Variants in NPFFR1 observed in about 807,000 individuals in gnomAD.
NPFFR1 encodes neuropeptide FF receptor 1.
In NPFFR1, 17 loss-of-function variants were observed where a neutral mutation model predicts 12.7. That is an observed-to-expected ratio of 1.34 (90% CI 0.92 to 2.01). NPFFR1 has a LOEUF of 2.01. Ranked by LOEUF, NPFFR1 falls within the 30% of genes most tolerant of loss-of-function variation. The probability of loss-of-function intolerance (pLI) is 0.00; values close to 1 mark genes in which losing one functional copy is unlikely to be tolerated. For synonymous variants in NPFFR1, 296 were observed against 264.5 expected (o/e 1.12, Z -1.16); for missense variants, 604 against 606.5 (o/e 1.00, Z 0.04).
chr10:70,277,903 G>A (rs1589916482), intron 1 of NPFFR1: 1 of 515,994 alleles, frequency 1.9e-6, no homozygotes. Flanking sequence ...AGGGGGCTTG[G>A]CAGACTGCAG....
In NPFFR1 at chr10:70,254,974, G is replaced by T; in HGVS notation, c.1276C>A (p.Pro426Thr). 7.0e-7 allele frequency: 1 copy of T among 1,436,428 alleles called. No individual in the cohort carries two copies. The highest frequency in any genetic ancestry group is 9.1e-7 in the Non-Finnish European group (1 of 1,101,650). 89.0% of individuals were successfully genotyped at this position (1,436,428 alleles called of 1,614,324 possible). A position where few individuals can be genotyped will look rare whatever the true frequency, so the allele number is the denominator to read the frequency against. ...PGCSHLPLTI[P>T]AWDI ...GGACCCCCTCAGATATCCCAGGCTG[G>T]AATGGTGAGGGGCAGGTGGGAGCAG... The change falls in exon 4 of 4, where the codon CCA (proline) becomes ACA (threonine). Residue 426 changes from proline to threonine, a missense_variant. Physicochemically the swap from Pro to Thr is conservative, Grantham distance 38. Coordinates refer to ENST00000277942, the MANE Select transcript of NPFFR1 (RefSeq NM_022146.5).
chr10:70,277,850 A>G, intron 1 of NPFFR1: 1 of 473,046 alleles, frequency 2.1e-6, no homozygotes, highest in Admixed American at 2.3e-5. Flanking sequence ...CCAGAGGGGA[A>G]GGCAAATGAG....
chr10:70,278,209 A>G (rs1283304036), intron 1 of NPFFR1, among the ~76,000 whole-genome samples: 2 of 151,880 alleles, frequency 1.3e-5, no homozygotes. Context: ...CTGTCCCCAG[A>G]ATCATCCCCC....
At position 70,268,807 on chromosome 10, in the gene NPFFR1, C is replaced by A. The variant is rs565816892; in HGVS notation, c.8-2416G>T. Among the ~76,000 whole-genome samples the A allele has an allele frequency of 2.5e-3, 385 of 152,322 alleles. 1 individual carries two copies. The highest frequency in any genetic ancestry group is 4.2e-3 in the Non-Finnish European group (289 of 68,034). On this transcript the variant is annotated intron_variant, in intron 1 of 3. Coordinates refer to ENST00000277942, the MANE Select transcript of NPFFR1 (RefSeq NM_022146.5). Reference sequence around the variant, plus strand: ...ACATTTTATTGGCCCAAGTAAGTCACAAGGGATGCCCAGGTTCAAGTCAGT... The same window carrying A: ...ACATTTTATTGGCCCAAGTAAGTCAAAAGGGATGCCCAGGTTCAAGTCAGT...
intron 1 of NPFFR1, among the ~76,000 whole-genome samples, 184 bp from the exon 2 acceptor site, chr10:70,266,575 C>G (rs562289816): frequency 6.6e-6 from 1 of 152,342 alleles, no homozygotes; most frequent in African/African-American, 2.4e-5. Flanking sequence ...CACTCAAACC[C>G]TGGTCTTGTA....
In NPFFR1 at chr10:70,248,489, T is replaced by TTTTTTTTTTTTTG. The variant is rs1840477346; in HGVS notation, c.*6467_*6468insCAAAAAAAAAAAA. On this transcript the variant is annotated 3_prime_UTR_variant, in exon 4 of 4. Transcript: ENST00000277942. ...GGCGTTTTTTTTTTGTTTTTTGTTT[T>TTTTTTTTTTTTTG]TTTTTTTTTTTTTTGAGATGGAGTC... The TTTTTTTTTTTTTG allele has an allele frequency of 2.6e-5, 3 of 113,878 alleles. No individual in the cohort carries two copies. The highest frequency in any genetic ancestry group is 5.3e-5 in the Non-Finnish European group (3 of 57,094). 7.1% of individuals were successfully genotyped at this position (113,878 alleles called of 1,614,324 possible).
intron 2 of NPFFR1, among the ~76,000 whole-genome samples, chr10:70,262,847 G>A (rs114194439): frequency 0.017 from 2,597 of 152,240 alleles, 85 homozygotes; most frequent in African/African-American, 0.059. Context: ...ATACCCATGA[G>A]CACACCTAGA....
chr10:70,262,476 C>A (rs1237188690), intron 2 of NPFFR1, among the ~76,000 whole-genome samples: 2 of 152,110 alleles, frequency 1.3e-5, no homozygotes, highest in African/African-American at 4.8e-5. Flanking sequence ...CTTGACAAAA[C>A]TGAATAAACT....
chr10:70,280,682 C>T (rs541359313), intron 1 of NPFFR1, among the ~76,000 whole-genome samples: 32 of 152,174 alleles, frequency 2.1e-4, no homozygotes, highest in African/African-American at 6.3e-4. Context: ...TTTTTGAAAA[C>T]GCTTTTTTGT....
intron 1 of NPFFR1, among the ~76,000 whole-genome samples, chr10:70,277,701 T>A (rs534526483): frequency 1.3e-5 from 2 of 152,238 alleles, no homozygotes; most frequent in African/African-American, 4.8e-5. Context: ...CTGGGATGGG[T>A]AGGCAGCTGT....
chr10:70,282,464 T>A (rs555420858), intron 1 of NPFFR1, among the ~76,000 whole-genome samples: 1 of 152,342 alleles, frequency 6.6e-6, no homozygotes, highest in South Asian at 2.1e-4. Context: ...TTCTTGCCTC[T>A]TTTGTGTGTG....
chr10:70,268,958 T>C (rs1437800364), intron 1 of NPFFR1, among the ~76,000 whole-genome samples: 1 of 152,214 alleles, frequency 6.6e-6, no homozygotes, highest in Non-Finnish European at 1.5e-5. Flanking sequence ...CATATTGCAT[T>C]TGGTAGACGT....
intron 3 of NPFFR1, 60 bp downstream of exon 3, chr10:70,260,580 G>T: frequency 7.2e-7 from 1 of 1,397,458 alleles, no homozygotes; most frequent in Non-Finnish European, 1.0e-6. Flanking sequence ...AGAGGCAGTG[G>T]CTCCTCTTAA....
chr10:70,255,936 C>T lies in NPFFR1; in HGVS notation c.423-109G>A, dbSNP rs76589825. The T allele has an allele frequency of 6.4e-3, 7,758 of 1,210,528 alleles. 300 individuals carry two copies. The African/African-American group carries it at 0.093, about 15-fold the overall frequency. 75.0% of individuals were successfully genotyped at this position (1,210,528 alleles called of 1,614,324 possible). A position where few individuals can be genotyped will look rare whatever the true frequency, so the allele number is the denominator to read the frequency against. On this transcript the variant is annotated intron_variant, in intron 3 of 3. Coordinates refer to ENST00000277942, the MANE Select transcript of NPFFR1 (RefSeq NM_022146.5). The surrounding 1 kb of genome is among the most constrained non-coding windows in gnomAD (Gnocchi z 4.2). Reference sequence around the variant, plus strand: ...ACCTTCATCATCGCATCTAGGGCGGCGTCGAAGAACAGCTCAGACCTGAAT... The same window carrying T: ...ACCTTCATCATCGCATCTAGGGCGGTGTCGAAGAACAGCTCAGACCTGAAT...
rs971651657 is a variant in NPFFR1, at chr10:70,255,590, G to A, written c.660C>T (p.Leu220=). 1 of 1,554,692 alleles carries A rather than the reference G, an allele frequency of 6.4e-7. No individual in the cohort carries two copies. The highest frequency in any genetic ancestry group is 8.7e-7 in the Non-Finnish European group (1 of 1,149,250). ...KGMRRVYTTV[L]FSHIYLAPLA... ...GCGGCGCCAGGTAGATGTGCGAGAA[G>A]AGCACAGTGGTGTAGACCCTGCGCA... Residue 220 remains leucine, a synonymous_variant, in exon 4 of 4, where the codon CTC becomes CTT. Coordinates refer to ENST00000277942, the MANE Select transcript of NPFFR1 (RefSeq NM_022146.5). This position sits in a 1 kb window ranked among gnomAD's most constrained non-coding sequence, Gnocchi z 4.2.
chr10:70,262,842 C>G (rs1564594624), intron 2 of NPFFR1, among the ~76,000 whole-genome samples: 1 of 152,144 alleles, frequency 6.6e-6, no homozygotes, highest in South Asian at 2.1e-4. Context: ...CCCCAATACC[C>G]ATGAGCACAC....
At chr10:70,274,603 A>G (rs1368069411) in intron 1 of NPFFR1, among the ~76,000 whole-genome samples, 1 of 152,166 alleles carries the variant, frequency 6.6e-6, no homozygotes, top group African/African-American at 2.4e-5. Context: ...AGTAGACCCT[A>G]AGCCCCCATG....
intron 1 of NPFFR1, among the ~76,000 whole-genome samples, chr10:70,279,680 C>T (rs1299300330): frequency 2.0e-5 from 3 of 152,204 alleles, no homozygotes; most frequent in South Asian, 2.1e-4. Context: ...AGGCTGGTCT[C>T]GAACTCATGA....
Position 70,247,939 on chromosome 10 carries a change from G to T in NPFFR1, c.*7018C>A, listed in dbSNP as rs1840465925. The T allele has an allele frequency of 6.6e-6, 1 of 152,206 alleles. No homozygotes were observed. Among genetic ancestry groups the T allele is most frequent in the Admixed American group, 6.5e-5 (1 of 15,278 alleles). 9.4% of individuals were successfully genotyped at this position (152,206 alleles called of 1,614,324 possible). On this transcript the variant is annotated 3_prime_UTR_variant, in exon 4 of 4. Coordinates refer to ENST00000277942, the MANE Select transcript of NPFFR1 (RefSeq NM_022146.5). ...TAAATTTAAACCTTTTACCTAAACT[G>T]CTGGTATTCCTTCTATCCCAAATCT...
Sources: gnomAD v4.1 joint callset for allele counts (sites outside exome capture counted in the v4.1 genomes callset) on GRCh38, gnomAD v4.1.1 for gene constraint, Gnocchi (gnomAD v3.1) non-coding constraint, MANE v1.5 for transcripts, NCBI Gene and HGNC (gene_info 2026-07-23, HGNC 2026-07-21) for gene names.